The following NR3C2 variants were observed in gnomAD, a reference collection of about 807,000 sequenced individuals.
The protein encoded by NR3C2 is nuclear receptor subfamily 3 group C member 2, also known as mineralocorticoid receptor.
A neutral mutation model predicts 86.4 loss-of-function variants in NR3C2; 15 were observed. The observed-to-expected ratio is 0.17, with a 90% CI of 0.12 to 0.27. NR3C2 has a LOEUF of 0.27. NR3C2 is among the 10% of genes least tolerant of loss of function. NR3C2 has a pLI of 1.00. For missense variants in NR3C2, 960 were observed against 1,195.6 expected, an observed-to-expected ratio of 0.80 and a Z score of 2.91; for synonymous variants, 458 against 450.5, an observed-to-expected ratio of 1.02 and a Z score of -0.21.
rs1193845630 is a variant in NR3C2, at chr4:148,130,814, G to GTTTTTTTTT, written c.2511-10527_2511-10526insAAAAAAAAA. Among the ~76,000 whole-genome samples, 35 of 77,068 alleles carry GTTTTTTTTT rather than the reference G, an allele frequency of 4.5e-4. 2 individuals are homozygous for GTTTTTTTTT. Among genetic ancestry groups the GTTTTTTTTT allele is most frequent in the Non-Finnish European group, 6.0e-4 (22 of 36,376 alleles). The allele number at this position is 77,068 out of a possible 152,430, so 50.6% of individuals were successfully genotyped here. A position where few individuals can be genotyped will look rare whatever the true frequency, so the allele number is the denominator to read the frequency against. ...TTTTTTTTTTGTTTTGTTTTGTTTT[G>GTTTTTTTTT]TTTTGTTTTTTTTTTTTTTTTTTTT... On this transcript the variant is annotated intron_variant, in intron 6 of 8. Coordinates refer to ENST00000358102, the MANE Select transcript of NR3C2 (RefSeq NM_000901.5).
chr4:148,312,667 T>G (rs1306370521), intron 2 of NR3C2, among the ~76,000 whole-genome samples: 1 of 152,162 alleles, frequency 6.6e-6, no homozygotes, highest in Non-Finnish European at 1.5e-5. Flanking sequence ...TTATATACAG[T>G]TGTATATGAT....
At chr4:148,323,690 T>G (rs189566574) in intron 2 of NR3C2, among the ~76,000 whole-genome samples, 3,247 of 152,236 alleles carry the variant, frequency 0.021, 111 homozygotes, top group African/African-American at 0.074. Flanking sequence ...GGGAACTCCC[T>G]GACCCCTTGT....
chr4:148,359,540 T>G (rs1745736497), intron 2 of NR3C2, among the ~76,000 whole-genome samples: 1 of 152,180 alleles, frequency 6.6e-6, no homozygotes, highest in South Asian at 2.1e-4. Context: ...TCAATAAATT[T>G]TATATGTGCC....
chr4:148,130,804 G>T (rs1333340924), intron 6 of NR3C2, among the ~76,000 whole-genome samples: 24 of 49,934 alleles, frequency 4.8e-4, no homozygotes, highest in South Asian at 8.1e-4. Flanking sequence ...TTTTTGTTTT[G>T]TTTTGTTTTG....
chr4:148,112,909 AT>A (rs1481871513), intron 8 of NR3C2, among the ~76,000 whole-genome samples: 5 of 152,330 alleles, frequency 3.3e-5, no homozygotes, highest in Non-Finnish European at 5.9e-5. Context: ...ATAGAAAAAT[AT>A]TTTTAAAAGA....
chr4:148,372,215 G>A (rs752998901), intron 2 of NR3C2, among the ~76,000 whole-genome samples: 2 of 151,974 alleles, frequency 1.3e-5, no homozygotes, highest in Non-Finnish European at 2.9e-5. Flanking sequence ...CATTAAAAAT[G>A]TTCTTTTTTG....
intron 1 of NR3C2, among the ~76,000 whole-genome samples, chr4:148,440,927 T>G (rs1357896483): frequency 6.6e-6 from 1 of 152,250 alleles, no homozygotes; most frequent in Non-Finnish European, 1.5e-5. Flanking sequence ...TTTATTTGAC[T>G]ATAAGATGGC....
At chr4:148,089,283 T>C (rs898008564) in intron 8 of NR3C2, among the ~76,000 whole-genome samples, 3 of 152,190 alleles carry the variant, frequency 2.0e-5, no homozygotes, top group Non-Finnish European at 2.9e-5. Context: ...TTTAATGTGC[T>C]CTGCACCCGC....
chr4:148,101,442 T>A (rs911785795), intron 8 of NR3C2, among the ~76,000 whole-genome samples: 1 of 152,068 alleles, frequency 6.6e-6, no homozygotes, highest in Non-Finnish European at 1.5e-5. Context: ...TGGCTGCAAG[T>A]GGAAATGAAC....
rs1048114231 is a variant in NR3C2 at position 148,081,374 on chromosome 4, G to A, written c.2925C>T (p.Asn975=). The change falls in exon 9 of 9, where the codon AAC becomes AAT. Residue 975 remains asparagine (N), a synonymous_variant. Transcript: ENST00000358102. ...SDQLPKVESG[N]AKPLYFHRK is the part of the protein sequence containing the mutation. ...TCCGGTGGAAGTAGAGCGGCTTGGC[G>A]TTCCCCGACTCCACCTTGGGCAGCT... 9.3e-6 allele frequency: 15 copies of A among 1,614,022 alleles called. No individual in the cohort carries two copies. The highest frequency in any genetic ancestry group is 1.6e-4 in the Middle Eastern group (1 of 6,084).
At chr4:148,394,765 A>T (rs551461110) in intron 2 of NR3C2, among the ~76,000 whole-genome samples, 1 of 152,316 alleles carries the variant, frequency 6.6e-6, no homozygotes, top group East Asian at 1.9e-4. Context: ...TTATAGAAAG[A>T]TAATCTGGGG....
intron 1 of NR3C2, among the ~76,000 whole-genome samples, chr4:148,438,871 A>G (rs1423645772): frequency 2.0e-5 from 3 of 152,254 alleles, no homozygotes; most frequent in South Asian, 2.1e-4. Context: ...TCCCAAGTGG[A>G]TACATTGAAA....
chr4:148,091,046 G>A (rs570470155), intron 8 of NR3C2, among the ~76,000 whole-genome samples: 29 of 152,366 alleles, frequency 1.9e-4, no homozygotes, highest in South Asian at 1.9e-3. Context: ...TTGTTGGGGC[G>A]GCTAGGATGC....
intron 2 of NR3C2, among the ~76,000 whole-genome samples, chr4:148,374,222 T>C (rs773954509): frequency 3.3e-5 from 5 of 152,210 alleles, no homozygotes; most frequent in Non-Finnish European, 7.4e-5. Flanking sequence ...CCTCAAGTTA[T>C]GCAACACTCT....
chr4:148,387,862 T>G (rs61764779), intron 2 of NR3C2, among the ~76,000 whole-genome samples: 1 of 152,168 alleles, frequency 6.6e-6, no homozygotes. Flanking sequence ...AATTATGAAA[T>G]GTGGAGCAAG....
intron 3 of NR3C2, among the ~76,000 whole-genome samples, chr4:148,246,403 A>G (rs1179684536): frequency 6.6e-6 from 1 of 152,222 alleles, no homozygotes; most frequent in African/African-American, 2.4e-5. Context: ...AATATTTAAT[A>G]CAGAGTTGAG....
intron 2 of NR3C2, among the ~76,000 whole-genome samples, chr4:148,425,709 G>A (rs1398964605): frequency 6.6e-6 from 1 of 152,090 alleles, no homozygotes; most frequent in Admixed American, 6.6e-5. Context: ...CCACCAGAGG[G>A]CTTTAAACTA....
intron 4 of NR3C2, among the ~76,000 whole-genome samples, chr4:148,187,234 A>G: frequency 6.6e-6 from 1 of 151,868 alleles, no homozygotes; most frequent in Admixed American, 6.6e-5. Flanking sequence ...GATACCCAGT[A>G]GTGGGACTGC....
intron 2 of NR3C2, among the ~76,000 whole-genome samples, chr4:148,304,405 C>T (rs976265541): frequency 8.4e-5 from 12 of 143,642 alleles, no homozygotes; most frequent in East Asian, 2.1e-4. Context: ...TAAAAGGCCT[C>T]GGGATTTACC....
Sources: gnomAD v4.1 joint callset for allele counts (sites outside exome capture counted in the v4.1 genomes callset) on GRCh38, gnomAD v4.1.1 for gene constraint, MANE v1.5 for transcripts, NCBI Gene and HGNC (gene_info 2026-07-23, HGNC 2026-07-21) for gene names.